The following MME variants were observed in gnomAD, a reference collection of about 807,000 sequenced individuals.
MME encodes the protein membrane metalloendopeptidase.
Under a neutral mutation model 113.2 loss-of-function variants are expected in MME, and 98 were observed. That is an observed-to-expected ratio of 0.87 (90% CI 0.74 to 1.02). The LOEUF (loss-of-function observed/expected upper bound fraction) is 1.02, where lower values mean the gene tolerates loss of function less well. Ranked by LOEUF, MME falls within the 50% of genes least tolerant of loss-of-function variation. The pLI, the probability that MME is intolerant of heterozygous loss-of-function variation, is 0.00. For synonymous variants in MME, 292 were observed against 300.6 expected, an observed-to-expected ratio of 0.97 and a Z score of 0.30; for missense variants, 836 against 896.0, an observed-to-expected ratio of 0.93 and a Z score of 0.86.
chr3:155,073,488 A>G (rs1714646930), intron 1 of MME, among the ~76,000 whole-genome samples: 1 of 152,218 alleles, frequency 6.6e-6, no homozygotes, highest in African/African-American at 2.4e-5. Flanking sequence ...AATTTGCTGT[A>G]AATAGAATGT....
At chr3:155,109,333 G>A (rs1015114497) in intron 3 of MME, among the ~76,000 whole-genome samples, 11 of 152,106 alleles carry the variant, frequency 7.2e-5, no homozygotes, top group African/African-American at 2.2e-4. Context: ...AGCACCCAGC[G>A]GGAACTGGAT....
intron 3 of MME, among the ~76,000 whole-genome samples, chr3:155,109,751 CGT>C (rs1231321017): frequency 6.6e-6 from 1 of 152,166 alleles, no homozygotes; most frequent in Middle Eastern, 3.2e-3. Flanking sequence ...TCTGGGCATC[CGT>C]GTGTCTAAAA....
At chr3:155,167,443 C>CT (rs149438898) in intron 18 of MME, among the ~76,000 whole-genome samples, 14,007 of 148,776 alleles carry the variant, frequency 0.094, 816 homozygotes, top group South Asian at 0.16. Flanking sequence ...CTTAAGAGAC[C>CT]TTTTTTTTTT....
In MME at chr3:155,116,670, T is replaced by C. The variant is rs770141554; in HGVS notation, c.446T>C (p.Ile149Thr). 1 of 1,612,154 alleles carries C rather than the reference T, an allele frequency of 6.2e-7. No individual in the cohort carries two copies. Among genetic ancestry groups the C allele is most frequent in the Non-Finnish European group, 8.5e-7 (1 of 1,179,212 alleles). ...LYRSCINESA[I>T]DSRGGEPLLK... The stretch of plus-strand genomic sequence containing the variant: ...TGTTTGTTGTTTCCAAAAGCTGCTA[T>C]TGATAGCAGAGGTGGAGAACCTCTA... The change falls in exon 6 of 23, where the codon ATT becomes ACT. Residue 149 changes from isoleucine to threonine, a missense_variant. Ile to Thr is a moderately conservative substitution (Grantham distance 89). Transcript: ENST00000360490.
chr3:155,096,306 G>C (rs1716736769), intron 3 of MME, among the ~76,000 whole-genome samples: 1 of 152,194 alleles, frequency 6.6e-6, no homozygotes, highest in Non-Finnish European at 1.5e-5. Context: ...TGGTAAAGTG[G>C]AGGCAAAGAT....
upstream of MME, among the ~76,000 whole-genome samples, chr3:155,077,993 C>G (rs1411564997): frequency 6.6e-6 from 1 of 150,570 alleles, no homozygotes; most frequent in African/African-American, 2.4e-5. Flanking sequence ...TCACTTGAGG[C>G]CAGGAGTTTG....
intron 8 of MME, among the ~76,000 whole-genome samples, chr3:155,128,576 C>G (rs2108284359): frequency 6.6e-6 from 1 of 151,702 alleles, no homozygotes. Context: ...ATATGCTTTT[C>G]CCTTTGCCTA....
At chr3:155,137,445 G>A (rs776884182) in intron 8 of MME, among the ~76,000 whole-genome samples, 9 of 152,294 alleles carry the variant, frequency 5.9e-5, no homozygotes, top group South Asian at 2.1e-4. Context: ...GGTGGCTCAC[G>A]CCTGTAATCC....
At chr3:155,158,639 C>T (rs533173498) in intron 16 of MME, 7 of 152,160 alleles carry the variant, frequency 4.6e-5, no homozygotes, top group South Asian at 2.1e-4. Context: ...TTCGTAGTCA[C>T]GTCAACGCAA....
chr3:155,109,273 G>A (rs1400729137), intron 3 of MME, among the ~76,000 whole-genome samples: 2 of 152,094 alleles, frequency 1.3e-5, no homozygotes, highest in East Asian at 1.9e-4. Flanking sequence ...CAAGACTTGA[G>A]ACAATGAAAG....
chr3:155,160,248 G>C (rs1722619695), intron 16 of MME, 142 bp from the exon 17 acceptor site: 1 of 697,218 alleles, frequency 1.4e-6, no homozygotes, highest in Non-Finnish European at 2.6e-6. Context: ...CTCTCACCTA[G>C]TGAACTAATT....
intron 1 of MME, among the ~76,000 whole-genome samples, chr3:155,032,158 G>A (rs918202045): frequency 1.3e-5 from 2 of 152,122 alleles, no homozygotes; most frequent in East Asian, 3.9e-4. Context: ...TTAGAGGTAC[G>A]ATAGTCCATA....
chr3:155,142,153 C>T, intron 11 of MME, 26 bp downstream of exon 11: 1 of 1,613,678 alleles, frequency 6.2e-7, no homozygotes, highest in East Asian at 2.2e-5. Flanking sequence ...TCCCCATGTC[C>T]TCAAAGTTTG....
intron 1 of MME, among the ~76,000 whole-genome samples, chr3:155,061,307 T>A (rs920840691): frequency 5.9e-5 from 9 of 151,684 alleles, no homozygotes; most frequent in Admixed American, 5.9e-4. Context: ...AAAAATTAGC[T>A]GGGCGTGGTG....
chr3:155,175,667 A>G lies in MME; in HGVS notation c.2153+3055A>G, dbSNP rs73875844. 5.8e-3 allele frequency among the ~76,000 whole-genome samples: 888 copies of G among 152,256 alleles called. 7 individuals are homozygous for G. The highest frequency in any genetic ancestry group is 0.021 in the African/African-American group (855 of 41,582). ...CAACATTATCTTCCAGTCAGGAAGA[A>G]AGGGCACTTTTAGAACTGACACCAC... On this transcript the variant is annotated intron_variant, in intron 22 of 22. Transcript: ENST00000360490.
intron 3 of MME, among the ~76,000 whole-genome samples, chr3:155,102,394 A>G (rs565283615): frequency 1.3e-5 from 2 of 152,226 alleles, no homozygotes; most frequent in African/African-American, 4.8e-5. Context: ...ACCTTGAAAT[A>G]CCCTTTGAGT....
At chr3:155,159,429 AG>A (rs1722550849) in intron 16 of MME, among the ~76,000 whole-genome samples, 1 of 152,068 alleles carries the variant, frequency 6.6e-6, no homozygotes, top group South Asian at 2.1e-4. Flanking sequence ...TCTGAAGTCA[AG>A]CAGTATCCAT....
chr3:155,073,923 T>C (rs1396661062), intron 1 of MME, among the ~76,000 whole-genome samples: 2 of 152,200 alleles, frequency 1.3e-5, no homozygotes, highest in African/African-American at 2.4e-5. Context: ...CTTATAAATA[T>C]GAGTAATATT....
intron 1 of MME, among the ~76,000 whole-genome samples, chr3:155,051,939 A>T (rs1009029215): frequency 6.6e-6 from 1 of 152,222 alleles, no homozygotes; most frequent in Non-Finnish European, 1.5e-5. Context: ...TACTTCCTAG[A>T]TACAATGATG....
Sources: gnomAD v4.1 joint callset for allele counts (sites outside exome capture counted in the v4.1 genomes callset) on GRCh38, gnomAD v4.1.1 for gene constraint, MANE v1.5 for transcripts, NCBI Gene and HGNC (gene_info 2026-07-23, HGNC 2026-07-21) for gene names.